The following RBFOX1 variants were observed in gnomAD, a reference collection of about 807,000 sequenced individuals.
RBFOX1 encodes RNA binding protein fox-1 homolog 1.
RBFOX1 carries 8 observed loss-of-function variants against 57.7 expected under a neutral mutation model. That is an observed-to-expected ratio of 0.14 (90% CI 0.08 to 0.25). The LOEUF is 0.25. Ranked by LOEUF, RBFOX1 falls within the 10% of genes least tolerant of loss-of-function variation. The pLI is 1.00. For missense variants in RBFOX1, 611 were observed against 548.5 expected, an observed-to-expected ratio of 1.11 and a Z score of -1.14; for synonymous variants, 326 against 222.4, an observed-to-expected ratio of 1.47 and a Z score of -4.15.
chr16:6,045,977 G>T (rs1379502757), intron 1 of RBFOX1, among the ~76,000 whole-genome samples: 1 of 152,218 alleles, frequency 6.6e-6, no homozygotes, highest in Non-Finnish European at 1.5e-5. Flanking sequence ...GGTGTCATGA[G>T]TGAGGAGATG....
At chr16:7,345,598 C>G (rs1003945664) in intron 4 of RBFOX1, among the ~76,000 whole-genome samples, 5 of 152,136 alleles carry the variant, frequency 3.3e-5, no homozygotes, top group South Asian at 2.1e-4. Context: ...ACCCATCATA[C>G]AGAACGCCAG....
chr16:7,196,624 C>G (rs2086767542), intron 4 of RBFOX1, among the ~76,000 whole-genome samples: 1 of 152,124 alleles, frequency 6.6e-6, no homozygotes. Flanking sequence ...GGGTCAATGC[C>G]TTCAAAGAAC....
At chr16:6,662,254 A>G (rs2098706303) in intron 3 of RBFOX1, among the ~76,000 whole-genome samples, 1 of 152,212 alleles carries the variant, frequency 6.6e-6, no homozygotes, top group Non-Finnish European at 1.5e-5. Flanking sequence ...TAGACTTGAA[A>G]TGCGGTAAGA....
intron 4 of RBFOX1, among the ~76,000 whole-genome samples, chr16:5,916,045 G>A (rs1244524698): frequency 1.3e-5 from 2 of 152,142 alleles, no homozygotes; most frequent in East Asian, 3.9e-4. Flanking sequence ...TCCCCTGGTA[G>A]CTATAAGATT....
chr16:6,703,809 C>G (rs939436001), intron 3 of RBFOX1: 6 of 152,354 alleles, frequency 3.9e-5, no homozygotes, highest in African/African-American at 1.4e-4. Flanking sequence ...AAGCTGCTGA[C>G]TGCCATCTGG....
intron 4 of RBFOX1, among the ~76,000 whole-genome samples, chr16:7,123,938 A>G (rs1379033361): frequency 3.3e-5 from 5 of 152,170 alleles, no homozygotes; most frequent in Non-Finnish European, 5.9e-5. Flanking sequence ...TGGAATCTCT[A>G]AGTTGTATTA....
rs192366765 is a variant in RBFOX1, at chr16:5,394,530, G to C, written c.220-72686G>C. ...TTTTTACCCCTTCTTCTCTTCTCTT[G>C]TCTTGTCTTCTCTTCTCTCTTCTTT... On this transcript the variant is annotated intron_variant, in intron 1 of 2. Transcript: ENST00000585867. 5.4e-5 allele frequency among the ~76,000 whole-genome samples: 8 copies of C among 147,692 alleles called. No individual in the cohort carries two copies. In the East Asian group the frequency reaches 6.0e-4, roughly 11 times the overall value.
intron 5 of RBFOX1, among the ~76,000 whole-genome samples, chr16:7,566,840 G>C (rs1217260412): frequency 6.6e-6 from 1 of 152,028 alleles, no homozygotes; most frequent in Non-Finnish European, 1.5e-5. Flanking sequence ...CAGGGAGCTT[G>C]TGAACTTTCT....
At chr16:5,789,764 G>A (rs1458415010) in intron 3 of RBFOX1, among the ~76,000 whole-genome samples, 1 of 152,174 alleles carries the variant, frequency 6.6e-6, no homozygotes, top group Admixed American at 6.5e-5. Context: ...AAGTGTCTAA[G>A]CCAGTGCTCA....
At chr16:5,706,664 A>G (rs1329431875) in intron 3 of RBFOX1, among the ~76,000 whole-genome samples, 1 of 152,202 alleles carries the variant, frequency 6.6e-6, no homozygotes, top group African/African-American at 2.4e-5. Flanking sequence ...TAACGTTGCA[A>G]TTCCAATATT....
chr16:6,401,786 T>C (rs1167811149), intron 2 of RBFOX1, among the ~76,000 whole-genome samples: 1 of 152,134 alleles, frequency 6.6e-6, no homozygotes, highest in African/African-American at 2.4e-5. Context: ...AACTATAGTT[T>C]ATTTAAAATA....
intron 4 of RBFOX1, among the ~76,000 whole-genome samples, chr16:5,990,059 C>T (rs1032016597): frequency 1.3e-5 from 2 of 152,154 alleles, no homozygotes; most frequent in South Asian, 2.1e-4. Context: ...TATCATGGTT[C>T]ACTGCAGCCT....
chr16:7,448,925 C>CTTTT (rs1491185704), intron 4 of RBFOX1, among the ~76,000 whole-genome samples: 641 of 28,624 alleles, frequency 0.022, 14 homozygotes, highest in African/African-American at 0.064. Context: ...TTTCTTTCCC[C>CTTTT]TGTTTTTTTT....
chr16:6,404,972 A>T (rs975677909), intron 2 of RBFOX1, among the ~76,000 whole-genome samples: 1 of 152,188 alleles, frequency 6.6e-6, no homozygotes, highest in African/African-American at 2.4e-5. Flanking sequence ...CTTCCCAAAT[A>T]TCCTTTTAGA....
intron 5 of RBFOX1, among the ~76,000 whole-genome samples, chr16:7,541,968 C>CT (rs2083074187): frequency 1.3e-5 from 2 of 152,218 alleles, no homozygotes; most frequent in African/African-American, 4.8e-5. Flanking sequence ...AGTGCTTCAG[C>CT]TTGACATTAG....
intron 4 of RBFOX1, among the ~76,000 whole-genome samples, chr16:7,346,249 C>A (rs1461062606): frequency 6.6e-6 from 1 of 151,916 alleles, no homozygotes; most frequent in African/African-American, 2.4e-5. Context: ...TGGTTTGGTT[C>A]CAAGCAATGC....
At chr16:6,667,635 G>C (rs1011466363) in intron 3 of RBFOX1, among the ~76,000 whole-genome samples, 2 of 152,032 alleles carry the variant, frequency 1.3e-5, no homozygotes, top group Admixed American at 6.5e-5. Flanking sequence ...GAATCCTAGC[G>C]CTTTTTGGAC....
chr16:6,894,972 A>C (rs996151822), intron 3 of RBFOX1, among the ~76,000 whole-genome samples: 2 of 152,158 alleles, frequency 1.3e-5, no homozygotes, highest in African/African-American at 2.4e-5. Context: ...ACACCCTTCC[A>C]GAACTAACAG....
intron 1 of RBFOX1, among the ~76,000 whole-genome samples, chr16:6,106,698 C>A (rs1031688335): frequency 6.6e-6 from 1 of 151,922 alleles, no homozygotes. Flanking sequence ...GACGGAGTGT[C>A]GCTCTGTTGC....
Sources: gnomAD v4.1 joint callset for allele counts (sites outside exome capture counted in the v4.1 genomes callset) on GRCh38, gnomAD v4.1.1 for gene constraint, MANE v1.5 for transcripts, NCBI Gene and HGNC (gene_info 2026-07-23, HGNC 2026-07-21) for gene names.